The following SOAT1 variants were observed in gnomAD, a reference collection of about 807,000 sequenced individuals.
SOAT1 encodes sterol O-acyltransferase 1, also known as acyl-coenzyme A:cholesterol acyltransferase 1.
Under a neutral mutation model 69.5 loss-of-function variants are expected in SOAT1, and 55 were observed. That is an observed-to-expected ratio of 0.79 (90% CI 0.64 to 0.99). The LOEUF (loss-of-function observed/expected upper bound fraction) is 0.99, where lower values mean the gene tolerates loss of function less well. SOAT1 is among the 50% of genes least tolerant of loss of function. SOAT1 has a pLI of 0.00. For synonymous variants in SOAT1, 231 were observed against 224.7 expected (o/e 1.03, Z -0.25); for missense variants, 580 against 669.3 (o/e 0.87, Z 1.47).
chr1:179,305,883 G>GA (rs894784444), intron 2 of SOAT1, among the ~76,000 whole-genome samples: 25 of 152,034 alleles, frequency 1.6e-4, no homozygotes, highest in Non-Finnish European at 3.4e-4. Context: ...TACCCAAATA[G>GA]AAAAAATCCT....
At chr1:179,297,965 G>A (rs550670474) in intron 1 of SOAT1, among the ~76,000 whole-genome samples, 121 of 149,318 alleles carry the variant, frequency 8.1e-4, no homozygotes, top group African/African-American at 2.6e-3. Flanking sequence ...TCGTGCCATT[G>A]CACTCCAGTC....
At chr1:179,340,988 A>T in intron 6 of SOAT1, 40 bp from the exon 7 acceptor site, 5 of 1,576,806 alleles carry the variant, frequency 3.2e-6, no homozygotes, top group Non-Finnish European at 3.5e-6. Flanking sequence ...TATATTAAAA[A>T]TTCACCTCTA....
chr1:179,314,631 G>T lies in SOAT1; in HGVS notation c.119-8806G>T, dbSNP rs554194578. 1.3e-3 allele frequency among the ~76,000 whole-genome samples: 194 copies of T among 152,226 alleles called. 1 individual carries two copies. Among genetic ancestry groups the T allele is most frequent in the African/African-American group, 4.2e-3 (176 of 41,534 alleles). ...GAGAATGGGGGGGTCTCACTTTGTT[G>T]CTCAGGCTGGTCTCAAACTCCTGGC... On this transcript the variant is annotated intron_variant, in intron 2 of 15. Transcript: ENST00000367619.
At chr1:179,323,348 ATTTG>A (rs1009971132) in intron 2 of SOAT1, 85 bp from the exon 3 acceptor site, 24 of 1,074,644 alleles carry the variant, frequency 2.2e-5, no homozygotes, top group Non-Finnish European at 2.8e-5. Context: ...TTACCTTTGT[ATTTG>A]TTTGTTTTCA....
chr1:179,297,730 T>C, intron 1 of SOAT1, among the ~76,000 whole-genome samples: 1 of 95,352 alleles, frequency 1.0e-5, no homozygotes, highest in Non-Finnish European at 2.0e-5. Flanking sequence ...CATGACTCCG[T>C]CTCAAAAAAA....
chr1:179,353,155 A>G (rs1488290397), intron 15 of SOAT1, among the ~76,000 whole-genome samples: 2 of 111,896 alleles, frequency 1.8e-5, no homozygotes, highest in Admixed American at 1.1e-4. Flanking sequence ...TTATATATTA[A>G]CTAATATATA....
At position 179,358,538 on chromosome 1, in the gene SOAT1, C is replaced by A. The variant is rs1486410161; in HGVS notation, c.*4897C>A. 6.6e-6 allele frequency: 1 copy of A among 152,164 alleles called. No homozygotes were observed. Among genetic ancestry groups the A allele is most frequent in the Non-Finnish European group, 1.5e-5 (1 of 68,032 alleles). The allele number at this position is 152,164 out of a possible 1,614,324, so 9.4% of individuals were successfully genotyped here. ...TGGATTGGGAAAGGAGCTGAAGCCC[C>A]AGTCAAGACTTTGCCATTTGGGGTA... is the stretch of plus-strand genomic sequence containing the variant. On this transcript the variant is annotated 3_prime_UTR_variant, in exon 16 of 16. Transcript: ENST00000367619.
chr1:179,334,030 G>T (rs1666064015), intron 3 of SOAT1, among the ~76,000 whole-genome samples: 1 of 152,218 alleles, frequency 6.6e-6, no homozygotes, highest in Middle Eastern at 3.2e-3. Flanking sequence ...TGCTCTAGAT[G>T]ACCCTGGGCA....
intron 3 of SOAT1, among the ~76,000 whole-genome samples, chr1:179,329,046 C>CAAA (rs3046366): frequency 0.11 from 13,761 of 130,450 alleles, 839 homozygotes; most frequent in Middle Eastern, 0.15. Context: ...ACTTTGTCTT[C>CAAA]AAAAAAAAAA....
chr1:179,317,515 A>T (rs1282781811), intron 2 of SOAT1, among the ~76,000 whole-genome samples: 1 of 145,772 alleles, frequency 6.9e-6, no homozygotes, highest in Non-Finnish European at 1.5e-5. Flanking sequence ...CCTGGGTGAC[A>T]GAGCGAGACT....
At chr1:179,310,847 T>C (rs1475799) in intron 2 of SOAT1, among the ~76,000 whole-genome samples, 75,403 of 152,066 alleles carry the variant, frequency 0.5, 19,671 homozygotes, top group East Asian at 0.84. Context: ...GAAGAAAACA[T>C]TTATTAAAAG....
At chr1:179,300,603 A>C (rs1012932071) in intron 1 of SOAT1, among the ~76,000 whole-genome samples, 3 of 152,192 alleles carry the variant, frequency 2.0e-5, no homozygotes, top group African/African-American at 7.2e-5. Flanking sequence ...AAAACAACCA[A>C]ACCCACCATG....
At chr1:179,320,007 T>C (rs1306765710) in intron 2 of SOAT1, among the ~76,000 whole-genome samples, 1 of 152,148 alleles carries the variant, frequency 6.6e-6, no homozygotes, top group African/African-American at 2.4e-5. Context: ...TTTTTCCCAT[T>C]CTATGGGTTG....
At chr1:179,299,846 T>C (rs542395314) in intron 1 of SOAT1, among the ~76,000 whole-genome samples, 20 of 140,692 alleles carry the variant, frequency 1.4e-4, no homozygotes, top group African/African-American at 4.7e-4. Flanking sequence ...CTCCGCCTCC[T>C]GGGTTCATGC....
intron 1 of SOAT1, among the ~76,000 whole-genome samples, chr1:179,299,470 G>A (rs1432563522): frequency 6.6e-6 from 1 of 152,104 alleles, no homozygotes; most frequent in Non-Finnish European, 1.5e-5. Flanking sequence ...TTGAGTAGGA[G>A]TTAGCTACAT....
At chr1:179,321,648 A>G (rs1358617255) in intron 2 of SOAT1, among the ~76,000 whole-genome samples, 1 of 152,134 alleles carries the variant, frequency 6.6e-6, no homozygotes, top group African/African-American at 2.4e-5. Flanking sequence ...GACCTCTTCT[A>G]TGTCTTTTAA....
rs997426496 is a variant in SOAT1 at position 179,353,823 on chromosome 1, T to C, written c.*182T>C. On this transcript the variant is annotated 3_prime_UTR_variant, in exon 16 of 16. Transcript: ENST00000367619. Reference sequence around the variant, plus strand: ...CTGTTGGAAGTTCACTGGAGTCTTGTACACTTAAGCAGAGCAGAACTTTTT... The same window carrying C: ...CTGTTGGAAGTTCACTGGAGTCTTGCACACTTAAGCAGAGCAGAACTTTTT... 4.9e-6 allele frequency: 3 copies of C among 607,242 alleles called. No individual in the cohort carries two copies. Among genetic ancestry groups the C allele is most frequent in the East Asian group, 2.9e-5 (1 of 35,012 alleles). The allele number at this position is 607,242 out of a possible 1,614,324, so 37.6% of individuals were successfully genotyped here.
chr1:179,307,203 C>A (rs75410914), intron 2 of SOAT1, among the ~76,000 whole-genome samples: 3 of 152,152 alleles, frequency 2.0e-5, no homozygotes, highest in Admixed American at 2.0e-4. Context: ...TAATCCTCAT[C>A]ATGACAATGT....
At chr1:179,312,819 G>A (rs1665265091) in intron 2 of SOAT1, among the ~76,000 whole-genome samples, 1 of 152,180 alleles carries the variant, frequency 6.6e-6, no homozygotes, top group Non-Finnish European at 1.5e-5. Flanking sequence ...CCTCAGGATG[G>A]TAACAGCTTT....
Sources: gnomAD v4.1 joint callset for allele counts (sites outside exome capture counted in the v4.1 genomes callset) on GRCh38, gnomAD v4.1.1 for gene constraint, MANE v1.5 for transcripts, NCBI Gene and HGNC (gene_info 2026-07-23, HGNC 2026-07-21) for gene names.